ALG6: variants seen among roughly 807,000 people sequenced by gnomAD.
The protein encoded by ALG6 is ALG6 alpha-1,3-glucosyltransferase, also known as dolichyl pyrophosphate Man9GlcNAc2 alpha-1,3-glucosyltransferase.
In ALG6, 46 loss-of-function variants were observed where a neutral mutation model predicts 66.6. The observed-to-expected ratio is 0.69, with a 90% CI of 0.55 to 0.88. The LOEUF is 0.88. Among genes scored for constraint, ALG6 ranks in the 40% least tolerant of loss-of-function variants. ALG6 has a pLI of 0.00. For missense variants in ALG6, 505 were observed against 586.8 expected (o/e 0.86, Z 1.44); for synonymous variants, 185 against 203.7 (o/e 0.91, Z 0.78).
chr1:63,371,349 C>T (rs780597786), intron 2 of ALG6: 49 of 383,808 alleles, frequency 1.3e-4, no homozygotes, highest in Middle Eastern at 8.3e-4. Context: ...TGAGCTAGCA[C>T]TTCAAGGGAG....
chr1:63,422,154 A>AAT (rs199853273), intron 12 of ALG6, among the ~76,000 whole-genome samples: 39 of 108,758 alleles, frequency 3.6e-4, no homozygotes, highest in African/African-American at 1.3e-3. Context: ...TATAAATATA[A>AAT]ATATATATAT....
intron 7 of ALG6, among the ~76,000 whole-genome samples, chr1:63,407,829 T>C (rs2100418169): frequency 6.6e-6 from 1 of 152,268 alleles, no homozygotes; most frequent in East Asian, 1.9e-4. Flanking sequence ...GGTATATCTG[T>C]CAAAGGACTT....
chr1:63,371,846 A>C (rs565782431), intron 2 of ALG6, among the ~76,000 whole-genome samples: 3 of 151,998 alleles, frequency 2.0e-5, no homozygotes, highest in African/African-American at 7.2e-5. Context: ...CTCGTGATCC[A>C]CTTGCCTCGG....
chr1:63,368,436 AAGAC>A (rs1190602279), intron 1 of ALG6, among the ~76,000 whole-genome samples: 1 of 152,092 alleles, frequency 6.6e-6, no homozygotes, highest in Non-Finnish European at 1.5e-5. Context: ...AGCAACGACT[AAGAC>A]AGGAGGATCC....
At chr1:63,422,380 TAAATATATATAAATATATATCTATATAA>T (rs1644588530) in intron 12 of ALG6, among the ~76,000 whole-genome samples, 1 of 102,802 alleles carries the variant, frequency 9.7e-6, no homozygotes, top group African/African-American at 4.0e-5. Flanking sequence ...TATATAAGTA[TAAATATATATAAATATATATCTATATAA>T]ATATAAATAT....
chr1:63,388,956 C>T (rs993354670), intron 2 of ALG6, among the ~76,000 whole-genome samples: 8 of 152,094 alleles, frequency 5.3e-5, no homozygotes, highest in Admixed American at 4.6e-4. Flanking sequence ...ATTGGAACTC[C>T]TTTGTATGCT....
Position 63,428,437 on chromosome 1 carries a change from C to G in ALG6, c.1059-296C>G, listed in dbSNP as rs984644757. ...ACAAAGCCTTCTCAGATTTGTTTAT[C>G]TGATCCTTTTCTTAAGCTACTTGTT... On this transcript the variant is annotated intron_variant, in intron 12 of 14. Transcript: ENST00000263440. 3 of 237,040 alleles carry G rather than the reference C, an allele frequency of 1.3e-5. No homozygotes were observed. The Admixed American group carries it at 1.6e-4, about 12-fold the overall frequency. 14.7% of individuals were successfully genotyped at this position (237,040 alleles called of 1,614,324 possible).
chr1:63,408,700 A>G (rs1644501991), intron 7 of ALG6, among the ~76,000 whole-genome samples: 3 of 152,174 alleles, frequency 2.0e-5, no homozygotes. Flanking sequence ...ATTCTGGAAA[A>G]TTTGTAGTAG....
intron 1 of ALG6, among the ~76,000 whole-genome samples, chr1:63,369,471 A>G (rs1040384218): frequency 9.9e-5 from 15 of 152,162 alleles, no homozygotes; most frequent in African/African-American, 3.6e-4. Flanking sequence ...TCTACTAACA[A>G]TACAAAAATT....
At chr1:63,379,200 T>C (rs749907628) in intron 2 of ALG6, among the ~76,000 whole-genome samples, 3 of 152,198 alleles carry the variant, frequency 2.0e-5, no homozygotes, top group Non-Finnish European at 4.4e-5. Flanking sequence ...GGGAATTCTT[T>C]GAGGCTTGAG....
chr1:63,416,083 A>T (rs954585199), intron 11 of ALG6, 126 bp downstream of exon 11: 17 of 742,888 alleles, frequency 2.3e-5, no homozygotes, highest in Non-Finnish European at 3.7e-5. Context: ...GCAGACATTT[A>T]TTGGATGTTT....
chr1:63,413,995 T>C (rs1344711427), intron 9 of ALG6, 66 bp from the exon 10 acceptor site: 2 of 1,224,896 alleles, frequency 1.6e-6, no homozygotes, highest in Non-Finnish European at 2.4e-6. Flanking sequence ...TTATGGGCTG[T>C]ACTTCATGGG....
chr1:63,419,216 A>G (rs1379200640), intron 11 of ALG6, among the ~76,000 whole-genome samples, 154 bp from the exon 12 acceptor site: 1 of 152,196 alleles, frequency 6.6e-6, no homozygotes, highest in Non-Finnish European at 1.5e-5. Context: ...TGATTAAAAT[A>G]TGCATACTAG....
rs183071643 is a variant in ALG6 at position 63,382,965 on chromosome 1, C to T, written c.82+11906C>T. Among the ~76,000 whole-genome samples the T allele has an allele frequency of 3.4e-4, 52 of 152,188 alleles. No individual in the cohort carries two copies. In the East Asian group the frequency reaches 8.9e-3, roughly 26 times the overall value. On this transcript the variant is annotated intron_variant, in intron 2 of 14. Transcript: ENST00000263440. ...TGCTGGGATTACAGGCGTGAGCCAC[C>T]GCACCTGGCCTAAGTTTTTGTATTT...
chr1:63,424,140 C>T (rs1644602608), intron 12 of ALG6, among the ~76,000 whole-genome samples: 1 of 152,040 alleles, frequency 6.6e-6, no homozygotes, highest in South Asian at 2.1e-4. Context: ...TATTTAAATC[C>T]TTTGCCTATT....
chr1:63,378,723 G>A (rs1648209239), intron 2 of ALG6, among the ~76,000 whole-genome samples: 1 of 151,824 alleles, frequency 6.6e-6, no homozygotes, highest in Non-Finnish European at 1.5e-5. Context: ...CTTGTTAGAT[G>A]TATGTTGGGT....
chr1:63,400,206 A>AAAAATAT (rs1412046755), intron 3 of ALG6, among the ~76,000 whole-genome samples: 2 of 36,430 alleles, frequency 5.5e-5, no homozygotes, highest in Admixed American at 3.8e-4. Flanking sequence ...AAAAAAAAAA[A>AAAAATAT]ATATATATAT....
At chr1:63,391,296 A>T (rs1358869584) in intron 2 of ALG6, among the ~76,000 whole-genome samples, 1 of 152,238 alleles carries the variant, frequency 6.6e-6, no homozygotes, top group Non-Finnish European at 1.5e-5. Context: ...CTTCAGAAGG[A>T]AATGAAGACC....
At chr1:63,402,460 ATTTT>A (rs760751565) in intron 4 of ALG6, 117 bp downstream of exon 4, 1,659 of 260,640 alleles carry the variant, frequency 6.4e-3, no homozygotes, top group East Asian at 0.011. Flanking sequence ...CTGCTATTGT[ATTTT>A]TTTTTTTTTT....
Sources: allele counts gnomAD v4.1 joint callset (sites outside exome capture counted in the v4.1 genomes callset), GRCh38; gene constraint gnomAD v4.1.1; transcripts MANE v1.5; gene names NCBI Gene and HGNC (gene_info 2026-07-23, HGNC 2026-07-21).